The following COL8A1 variants were observed in gnomAD, a reference collection of about 807,000 sequenced individuals.
COL8A1 encodes the protein collagen alpha-1(VIII) chain.
A neutral mutation model predicts 42.7 loss-of-function variants in COL8A1; 21 were observed. The observed-to-expected ratio is 0.49, with a 90% CI of 0.35 to 0.71. The LOEUF (loss-of-function observed/expected upper bound fraction) is 0.71, where lower values mean the gene tolerates loss of function less well. Ranked by LOEUF, COL8A1 falls within the 30% of genes least tolerant of loss-of-function variation. The pLI is 0.01. For missense variants in COL8A1, 788 were observed against 962.4 expected (o/e 0.82, Z 2.40); for synonymous variants, 367 against 369.1 (o/e 0.99, Z 0.06).
At chr3:99,764,692 C>CTT (rs1553681461) in intron 2 of COL8A1, among the ~76,000 whole-genome samples, 12 of 42,968 alleles carry the variant, frequency 2.8e-4, no homozygotes, top group Admixed American at 3.4e-4. Flanking sequence ...TCTTTTTTTT[C>CTT]TTTTTTTTCT....
At chr3:99,722,891 A>G (rs1307525480) in intron 1 of COL8A1, among the ~76,000 whole-genome samples, 1 of 152,042 alleles carries the variant, frequency 6.6e-6, no homozygotes, top group Non-Finnish European at 1.5e-5. Context: ...AACAGAACAC[A>G]TTTACCTGTT....
At chr3:99,663,524 G>A (rs1448773872) in intron 1 of COL8A1, among the ~76,000 whole-genome samples, 1 of 151,980 alleles carries the variant, frequency 6.6e-6, no homozygotes, top group Non-Finnish European at 1.5e-5. Flanking sequence ...GCAGTGTTTT[G>A]TTTTGTCTTT....
chr3:99,793,493 G>T (rs1379501610), intron 3 of COL8A1, among the ~76,000 whole-genome samples: 1 of 151,828 alleles, frequency 6.6e-6, no homozygotes, highest in African/African-American at 2.4e-5. Context: ...ATATATACAT[G>T]TTAAGTGGTT....
chr3:99,687,988 C>G (rs1939112671), intron 1 of COL8A1, among the ~76,000 whole-genome samples: 1 of 152,130 alleles, frequency 6.6e-6, no homozygotes, highest in Non-Finnish European at 1.5e-5. Flanking sequence ...TTACATCCAC[C>G]AGCACTTCAC....
intron 1 of COL8A1, among the ~76,000 whole-genome samples, chr3:99,661,790 A>C (rs1233590889): frequency 1.3e-5 from 2 of 152,186 alleles, no homozygotes; most frequent in Non-Finnish European, 2.9e-5. Flanking sequence ...TATTCAACCG[A>C]AGAAAGGAAG....
At chr3:99,696,976 A>ATTTTTTTT (rs34865022) in intron 1 of COL8A1, among the ~76,000 whole-genome samples, 2 of 88,056 alleles carry the variant, frequency 2.3e-5, no homozygotes, top group African/African-American at 4.3e-5. Context: ...ATATACACAA[A>ATTTTTTTT]TTTTTTTTTT....
intron 2 of COL8A1, among the ~76,000 whole-genome samples, chr3:99,788,438 G>A (rs933678421): frequency 1.8e-4 from 28 of 152,122 alleles, no homozygotes; most frequent in African/African-American, 5.8e-4. Context: ...AAGGCTGAAG[G>A]GCCAAACATG....
chr3:99,783,887 A>G (rs1941842428), intron 2 of COL8A1, among the ~76,000 whole-genome samples: 1 of 152,200 alleles, frequency 6.6e-6, no homozygotes, highest in African/African-American at 2.4e-5. Flanking sequence ...TGGGGATTAC[A>G]ATTTGAGATG....
intron 1 of COL8A1, among the ~76,000 whole-genome samples, chr3:99,713,816 A>G (rs1471996859): frequency 6.6e-6 from 1 of 152,130 alleles, no homozygotes; most frequent in Non-Finnish European, 1.5e-5. Flanking sequence ...ACAAATTTTA[A>G]CAGTGTTCTA....
chr3:99,735,876 T>C (rs1940695412), intron 1 of COL8A1, among the ~76,000 whole-genome samples: 1 of 152,128 alleles, frequency 6.6e-6, no homozygotes, highest in South Asian at 2.1e-4. Context: ...TGGTTTAGTC[T>C]TGGGAGGGTG....
At chr3:99,771,346 C>T (rs1214915061) in intron 2 of COL8A1, among the ~76,000 whole-genome samples, 1 of 152,138 alleles carries the variant, frequency 6.6e-6, no homozygotes, top group African/African-American at 2.4e-5. Context: ...AGACTGATGA[C>T]CATTTTTGAA....
At chr3:99,658,776 C>T (rs1170452029) in intron 1 of COL8A1, among the ~76,000 whole-genome samples, 1 of 152,200 alleles carries the variant, frequency 6.6e-6, no homozygotes, top group African/African-American at 2.4e-5. Context: ...TCTTTAGCAA[C>T]CAACAGTGCA....
intron 1 of COL8A1, among the ~76,000 whole-genome samples, chr3:99,732,529 C>A (rs1363146615): frequency 6.6e-6 from 1 of 152,100 alleles, no homozygotes; most frequent in African/African-American, 2.4e-5. Flanking sequence ...CATGAGCACT[C>A]ACTCACTATC....
chr3:99,666,059 A>C (rs1412677766), intron 1 of COL8A1, among the ~76,000 whole-genome samples: 1 of 152,080 alleles, frequency 6.6e-6, no homozygotes, highest in Admixed American at 6.6e-5. Context: ...TCCAGCTGAA[A>C]TCTTCTGGAA....
At chr3:99,769,941 T>C (rs565813191) in intron 2 of COL8A1, among the ~76,000 whole-genome samples, 32 of 152,152 alleles carry the variant, frequency 2.1e-4, no homozygotes, top group Middle Eastern at 3.4e-3. Context: ...AAAAGACAGA[T>C]TGACAAGAGA....
intron 1 of COL8A1, among the ~76,000 whole-genome samples, chr3:99,649,876 A>G (rs1219949879): frequency 6.6e-6 from 1 of 152,166 alleles, no homozygotes; most frequent in Non-Finnish European, 1.5e-5. Context: ...ATGAATGCCT[A>G]ATGGTATTCT....
At chr3:99,687,273 G>A (rs1939090908) in intron 1 of COL8A1, among the ~76,000 whole-genome samples, 1 of 152,168 alleles carries the variant, frequency 6.6e-6, no homozygotes, top group South Asian at 2.1e-4. Context: ...TTTGACATTA[G>A]ACAAGTCACT....
chr3:99,798,051 G>C lies in COL8A1; in HGVS notation c.*1915G>C, dbSNP rs1221557388. The C allele has an allele frequency of 6.6e-6, 1 of 152,188 alleles. No individual in the cohort carries two copies. Among genetic ancestry groups the C allele is most frequent in the Non-Finnish European group, 1.5e-5 (1 of 68,042 alleles). 9.4% of individuals were successfully genotyped at this position (152,188 alleles called of 1,614,324 possible). A position where few individuals can be genotyped will look rare whatever the true frequency, so the allele number is the denominator to read the frequency against. Reference sequence around the variant, plus strand: ...AATAAAACCATGAGTTAAGGGGATAGATATAGATGGAAAAATACACAAATA... The same window carrying C: ...AATAAAACCATGAGTTAAGGGGATACATATAGATGGAAAAATACACAAATA... On this transcript the variant is annotated 3_prime_UTR_variant, in exon 4 of 4. Transcript: ENST00000652472.
chr3:99,770,098 G>A (rs2107436952), intron 2 of COL8A1, among the ~76,000 whole-genome samples: 1 of 152,254 alleles, frequency 6.6e-6, no homozygotes, highest in South Asian at 2.1e-4. Flanking sequence ...AGTATGATTA[G>A]AGAACAAAAG....
Sources: gnomAD v4.1 joint callset for allele counts (sites outside exome capture counted in the v4.1 genomes callset) on GRCh38, gnomAD v4.1.1 for gene constraint, MANE v1.5 for transcripts, NCBI Gene and HGNC (gene_info 2026-07-23, HGNC 2026-07-21) for gene names.